The following DACH1 variants were observed in gnomAD, a reference collection of about 807,000 sequenced individuals.
DACH1 encodes dachshund homolog 1.
A neutral mutation model predicts 54.2 loss-of-function variants in DACH1; 12 were observed. The ratio of observed to expected loss-of-function variants is 0.22; its 90% CI spans 0.14 to 0.36. DACH1 has a LOEUF of 0.36. Among genes scored for constraint, DACH1 ranks in the 10% least tolerant of loss-of-function variants. DACH1 has a pLI of 1.00. For synonymous variants in DACH1, 386 were observed against 366.2 expected, an observed-to-expected ratio of 1.05 and a Z score of -0.62; for missense variants, 805 against 929.8, an observed-to-expected ratio of 0.87 and a Z score of 1.75.
At chr13:71,753,286 A>C (rs1885001994) in intron 1 of DACH1, among the ~76,000 whole-genome samples, 1 of 152,102 alleles carries the variant, frequency 6.6e-6, no homozygotes, top group South Asian at 2.1e-4. Context: ...CCAGATCAAT[A>C]TCTCGCTGCA....
Position 71,572,930 on chromosome 13 carries a change from G to A in DACH1, c.1209C>T (p.Ser403=). The A allele has an allele frequency of 6.2e-7, 1 of 1,614,062 alleles. No individual in the cohort carries two copies. Among genetic ancestry groups the A allele is most frequent in the Non-Finnish European group, 8.5e-7 (1 of 1,179,972 alleles). The part of the protein sequence containing the change: ...LPPASVTMAM[S]QMNHLSTIAN... ...CAATGGTGCTGAGGTGGTTCATCTG[G>A]CTCATTGCCATGGTGACAGATGCTG... The change falls in exon 4 of 11, where the codon AGC becomes AGT. Residue 403 remains serine, a synonymous_variant. Transcript: ENST00000613252.
At chr13:71,584,884 C>A (rs966597431) in intron 3 of DACH1, among the ~76,000 whole-genome samples, 2 of 151,804 alleles carry the variant, frequency 1.3e-5, no homozygotes, top group African/African-American at 4.8e-5. Context: ...TATAAACTAG[C>A]AAACAAAGAA....
At chr13:71,714,329 TAAACA>T (rs200269145) in intron 1 of DACH1, among the ~76,000 whole-genome samples, 50 of 151,724 alleles carry the variant, frequency 3.3e-4, no homozygotes, top group Non-Finnish European at 4.3e-4. Flanking sequence ...CGGGGACAAT[TAAACA>T]AAACAAAACA....
intron 6 of DACH1, among the ~76,000 whole-genome samples, chr13:71,531,015 T>C (rs1389667630): frequency 6.6e-6 from 1 of 152,046 alleles, no homozygotes; most frequent in Non-Finnish European, 1.5e-5. Flanking sequence ...AGGCAGGTGG[T>C]GGAAAGTTAG....
intron 1 of DACH1, among the ~76,000 whole-genome samples, chr13:71,733,062 G>C (rs1300817521): frequency 6.6e-6 from 1 of 151,454 alleles, no homozygotes; most frequent in African/African-American, 2.4e-5. Flanking sequence ...ATATAGCAAG[G>C]TCCTTAAAAA....
intron 6 of DACH1, among the ~76,000 whole-genome samples, chr13:71,493,954 T>C (rs1017972225): frequency 5.9e-5 from 9 of 152,194 alleles, no homozygotes; most frequent in Non-Finnish European, 1.3e-4. Flanking sequence ...AGCTCCACTT[T>C]ATAAGATTCT....
chr13:71,711,125 GA>G (rs1882704647), intron 1 of DACH1, among the ~76,000 whole-genome samples: 2 of 152,098 alleles, frequency 1.3e-5, no homozygotes, highest in Admixed American at 6.6e-5. Flanking sequence ...CTGGATCCTT[GA>G]AAAATGCATG....
chr13:71,673,483 A>G (rs1880332001), intron 2 of DACH1, among the ~76,000 whole-genome samples: 1 of 152,090 alleles, frequency 6.6e-6, no homozygotes, highest in African/African-American at 2.4e-5. Context: ...GAAAATTCTA[A>G]TCTTAAAGGA....
At chr13:71,745,154 T>C (rs1466407340) in intron 1 of DACH1, among the ~76,000 whole-genome samples, 1 of 152,196 alleles carries the variant, frequency 6.6e-6, no homozygotes, top group East Asian at 1.9e-4. Flanking sequence ...TTTTTTTGTT[T>C]CAAAATAAGT....
chr13:71,718,719 C>T (rs74099111), intron 1 of DACH1, among the ~76,000 whole-genome samples: 2,515 of 152,220 alleles, frequency 0.017, 64 homozygotes, highest in African/African-American at 0.056. Context: ...TCACCCACTG[C>T]TGAGGCCTCT....
intron 6 of DACH1, among the ~76,000 whole-genome samples, chr13:71,542,249 A>G (rs1365543007): frequency 6.6e-6 from 1 of 151,972 alleles, no homozygotes; most frequent in East Asian, 1.9e-4. Flanking sequence ...ACTCCGTCTC[A>G]AATAAATAAA....
At chr13:71,824,010 T>G (rs951764547) in intron 1 of DACH1, among the ~76,000 whole-genome samples, 4 of 152,008 alleles carry the variant, frequency 2.6e-5, no homozygotes, top group African/African-American at 9.7e-5. Flanking sequence ...TTTTTCTATA[T>G]GGAATAGTTC....
chr13:71,682,221 C>T (rs897764531), intron 1 of DACH1, among the ~76,000 whole-genome samples: 8 of 152,106 alleles, frequency 5.3e-5, no homozygotes, highest in Admixed American at 2.0e-4. Flanking sequence ...GCCTTCAGCA[C>T]GAAAATTATG....
Position 71,566,586 on chromosome 13 carries a change from TC to T in DACH1, c.1299+6253del, listed in dbSNP as rs1277342744. ...TTTATTGTCCTTTAAAAACATCAGTTCCCCCCAAATTCTCCAAATGTGAACA... is the reference window on the plus strand; with the variant it reads ...TTTATTGTCCTTTAAAAACATCAGTTCCCCCAAATTCTCCAAATGTGAACA... On this transcript the variant is annotated intron_variant, in intron 4 of 10. Transcript: ENST00000613252. 4.6e-5 allele frequency among the ~76,000 whole-genome samples: 7 copies of T among 152,026 alleles called. No homozygotes were observed. In the East Asian group the frequency reaches 1.2e-3, roughly 25 times the overall value.
intron 6 of DACH1, among the ~76,000 whole-genome samples, chr13:71,550,262 C>A (rs558801488): frequency 7.9e-5 from 12 of 152,226 alleles, no homozygotes; most frequent in Non-Finnish European, 1.8e-4. Flanking sequence ...ATCAAGCACT[C>A]CAGACATATA....
At chr13:71,509,959 T>C (rs2138254591) in intron 6 of DACH1, among the ~76,000 whole-genome samples, 1 of 152,258 alleles carries the variant, frequency 6.6e-6, no homozygotes, top group Middle Eastern at 3.4e-3. Context: ...CCCAGTTCTC[T>C]AGTATAACTA....
At position 71,793,521 on chromosome 13, in the gene DACH1, ATCTC is replaced by A. The variant is rs200265564; in HGVS notation, c.848+72397_848+72400del. 6.3e-3 allele frequency among the ~76,000 whole-genome samples: 963 copies of A among 152,114 alleles called. 12 individuals are homozygous for A. Among genetic ancestry groups the A allele is most frequent in the African/African-American group, 0.022 (899 of 41,522 alleles). On this transcript the variant is annotated intron_variant, in intron 1 of 10. Transcript: ENST00000613252. ...TTTACTTACTTCTCAACCCAGTGAT[ATCTC>A]TCTCTATTTATTTTTTTCTTTCTTT...
chr13:71,482,419 A>G (rs2138188506), intron 7 of DACH1, among the ~76,000 whole-genome samples: 1 of 152,356 alleles, frequency 6.6e-6, no homozygotes, highest in East Asian at 1.9e-4. Flanking sequence ...AATTTATTTC[A>G]GAATCAGACA....
At chr13:71,634,942 T>C (rs1273533616) in intron 2 of DACH1, among the ~76,000 whole-genome samples, 2 of 152,168 alleles carry the variant, frequency 1.3e-5, no homozygotes, top group Non-Finnish European at 2.9e-5. Flanking sequence ...TTAAACTCTT[T>C]ATTGCTCTTT....
Sources: allele counts gnomAD v4.1 joint callset (sites outside exome capture counted in the v4.1 genomes callset), GRCh38; gene constraint gnomAD v4.1.1; transcripts MANE v1.5; gene names NCBI Gene and HGNC (gene_info 2026-07-23, HGNC 2026-07-21).